Variants in CSNK2A2IP observed in about 807,000 individuals in gnomAD.
The protein encoded by CSNK2A2IP is casein kinase 2 subunit alpha' interacting protein.
chr3:88,395,557 T>C, the CSNK2A2IP span, among the ~76,000 whole-genome samples: 1 of 152,242 alleles, frequency 6.6e-6, no homozygotes, highest in Non-Finnish European at 1.5e-5. Context: ...AATTTGCTTT[T>C]TCTTTTTCAA....
chr3:88,450,889 T>C, the CSNK2A2IP span, among the ~76,000 whole-genome samples: 2 of 152,260 alleles, frequency 1.3e-5, no homozygotes, highest in South Asian at 4.1e-4. Context: ...TGCTCAGTTA[T>C]ATTGTAGTTC....
At chr3:88,399,783 G>C in the CSNK2A2IP span, 1 of 152,118 alleles carries the variant, frequency 6.6e-6, no homozygotes, top group Admixed American at 6.5e-5. Flanking sequence ...CCCTAAATGA[G>C]GTTTCCTAAC....
At chr3:88,379,550 G>A in the CSNK2A2IP span, among the ~76,000 whole-genome samples, 1 of 151,966 alleles carries the variant, frequency 6.6e-6, no homozygotes, top group Non-Finnish European at 1.5e-5. Flanking sequence ...TTTTATTTTT[G>A]TAGGGTCTGA....
At chr3:88,363,282 A>G in the CSNK2A2IP span, among the ~76,000 whole-genome samples, 13 of 151,972 alleles carry the variant, frequency 8.6e-5, no homozygotes, top group Non-Finnish European at 1.5e-4. Context: ...TATTTCCTAT[A>G]CTTATATTCT....
the CSNK2A2IP span, among the ~76,000 whole-genome samples, chr3:88,431,615 A>T: frequency 0.36 from 54,820 of 152,092 alleles, 11,135 homozygotes; most frequent in Non-Finnish European, 0.47. Context: ...AAGTAAAATT[A>T]AAAAAGACTA....
At chr3:88,412,149 A>C in the CSNK2A2IP span, among the ~76,000 whole-genome samples, 4 of 151,990 alleles carry the variant, frequency 2.6e-5, no homozygotes, top group Admixed American at 2.6e-4. Flanking sequence ...AAGGGGTAAT[A>C]GTTTTATCAG....
chr3:88,430,807 CCT>C, the CSNK2A2IP span, among the ~76,000 whole-genome samples: 1 of 151,912 alleles, frequency 6.6e-6, no homozygotes, highest in South Asian at 2.1e-4. Context: ...TAGACACCAC[CCT>C]GCACCCTTCC....
At chr3:88,369,544 C>T in the CSNK2A2IP span, among the ~76,000 whole-genome samples, 43 of 151,986 alleles carry the variant, frequency 2.8e-4, no homozygotes, top group Admixed American at 3.3e-4. Context: ...GACTCAGTTT[C>T]AGGGCAGAAG....
the CSNK2A2IP span, among the ~76,000 whole-genome samples, chr3:88,429,610 T>C: frequency 1.3e-5 from 2 of 152,200 alleles, no homozygotes; most frequent in Non-Finnish European, 2.9e-5. Context: ...TACCTTTCAT[T>C]ATCAGATGGG....
chr3:88,367,040 C>G, the CSNK2A2IP span, among the ~76,000 whole-genome samples: 1 of 151,998 alleles, frequency 6.6e-6, no homozygotes, highest in Non-Finnish European at 1.5e-5. Flanking sequence ...CCCACAGGGT[C>G]CCTCCCACAA....
At chr3:88,404,586 C>T in the CSNK2A2IP span, among the ~76,000 whole-genome samples, 14 of 122,574 alleles carry the variant, frequency 1.1e-4, no homozygotes, top group South Asian at 5.9e-4. Flanking sequence ...TTTTCCTCTC[C>T]ATTTACTCTT....
chr3:88,347,136 A>G, the CSNK2A2IP span, among the ~76,000 whole-genome samples: 3,933 of 152,134 alleles, frequency 0.026, 112 homozygotes, highest in East Asian at 0.074. Flanking sequence ...CTGCAATTTC[A>G]TTATAAAACT....
the CSNK2A2IP span, among the ~76,000 whole-genome samples, chr3:88,348,439 G>A: frequency 6.6e-6 from 1 of 152,024 alleles, no homozygotes. Context: ...CAAAAGGGCT[G>A]TCAAAACTCA....
the CSNK2A2IP span, among the ~76,000 whole-genome samples, chr3:88,338,923 T>C: frequency 6.6e-6 from 1 of 152,116 alleles, no homozygotes; most frequent in Non-Finnish European, 1.5e-5. Flanking sequence ...TTTTTAAAAT[T>C]TATTATTATG....
At chr3:88,354,933 A>G in the CSNK2A2IP span, among the ~76,000 whole-genome samples, 37 of 152,302 alleles carry the variant, frequency 2.4e-4, 1 homozygote, top group South Asian at 7.7e-3. Flanking sequence ...AAGGGCTACT[A>G]CATAAAGCAA....
the CSNK2A2IP span, among the ~76,000 whole-genome samples, chr3:88,378,994 T>A: frequency 0.038 from 5,722 of 152,154 alleles, 268 homozygotes; most frequent in African/African-American, 0.11. Context: ...TGCAAATGAC[T>A]ATATGATACC....
the CSNK2A2IP span, among the ~76,000 whole-genome samples, chr3:88,454,413 T>C: frequency 2.0e-5 from 3 of 151,926 alleles, no homozygotes; most frequent in Non-Finnish European, 4.4e-5. Context: ...GAAGAAGTTT[T>C]AAATTTTGAT....
chr3:88,445,891 T>TTCTCTTTCTTTCTTTCTTCTTTC, the CSNK2A2IP span, among the ~76,000 whole-genome samples: 1 of 151,668 alleles, frequency 6.6e-6, no homozygotes, highest in East Asian at 1.9e-4. Context: ...CTTTCTTTCT[T>TTCTCTTTCTTTCTTTCTTCTTTC]TCTCTTTCTT....
the CSNK2A2IP span, among the ~76,000 whole-genome samples, chr3:88,341,775 A>G: frequency 1.3e-5 from 2 of 151,968 alleles, no homozygotes; most frequent in Non-Finnish European, 2.9e-5. Context: ...AAACTTTCGG[A>G]GAATCTGAAG....
Sources: gnomAD v4.1 joint callset for allele counts (sites outside exome capture counted in the v4.1 genomes callset) on GRCh38, gnomAD v4.1.1 for gene constraint, MANE v1.5 for transcripts, NCBI Gene and HGNC (gene_info 2026-07-23, HGNC 2026-07-21) for gene names.